Variants in SLC5A4 observed in about 807,000 individuals in gnomAD.
SLC5A4 encodes probable glucose sensor protein SLC5A4.
In SLC5A4, 55 loss-of-function variants were observed where a neutral mutation model predicts 70.3. The ratio of observed to expected loss-of-function variants is 0.78; its 90% CI spans 0.63 to 0.98. The LOEUF is 0.98. Among genes scored for constraint, SLC5A4 ranks in the 50% least tolerant of loss-of-function variants. SLC5A4 has a pLI of 0.00. For synonymous variants in SLC5A4, 268 were observed against 305.7 expected (o/e 0.88, Z 1.29); for missense variants, 735 against 839.2 (o/e 0.88, Z 1.53).
At chr22:32,300,238 G>T in the SLC5A4 span, among the ~76,000 whole-genome samples, 3 of 151,352 alleles carry the variant, frequency 2.0e-5, no homozygotes, top group African/African-American at 7.3e-5. Context: ...GCAATGGGGG[G>T]CGCCCCTCCC....
chr22:32,272,845 A>T, the SLC5A4 span: 1 of 512,852 alleles, frequency 1.9e-6, no homozygotes, highest in Non-Finnish European at 3.8e-6. Flanking sequence ...GCTGCTGCCC[A>T]TGCAGGAGAA....
the SLC5A4 span, chr22:32,343,008 T>G: frequency 6.6e-6 from 1 of 152,254 alleles, no homozygotes; most frequent in Non-Finnish European, 1.5e-5. Context: ...CTTTCAGATC[T>G]TACATGGTTG....
chr22:32,303,400 T>G, the SLC5A4 span, among the ~76,000 whole-genome samples: 1 of 152,168 alleles, frequency 6.6e-6, no homozygotes, highest in Non-Finnish European at 1.5e-5. Flanking sequence ...ACAATCTACA[T>G]GTGGGGTGGC....
chr22:32,230,347 C>A (rs1925674283), intron 10 of SLC5A4, among the ~76,000 whole-genome samples: 1 of 152,290 alleles, frequency 6.6e-6, no homozygotes, highest in East Asian at 1.9e-4. Flanking sequence ...CAGCAATGAT[C>A]ACCTTCTGGC....
chr22:32,237,270 A>G lies in SLC5A4; in HGVS notation c.638T>C (p.Ile213Thr), dbSNP rs370451909. The G allele has an allele frequency of 3.6e-5, 58 of 1,610,100 alleles. No individual in the cohort carries two copies. The highest frequency in any genetic ancestry group is 6.7e-5 in the Admixed American group (4 of 59,542). ...AAACCCCATGAGAATAAAAGAGCCA[A>G]TCAGCATGATGATGGTCTGGAGGGT... ...TDTLQTIIML[I>T]GSFILMGFAF... Residue 213 changes from isoleucine (I) to threonine (T), a missense_variant, in exon 7 of 15, where the codon ATT (isoleucine) becomes ACT (threonine). Physicochemically the swap from Ile to Thr is moderately conservative, Grantham distance 89 (BLOSUM62 -1). Coordinates refer to ENST00000266086, the MANE Select transcript of SLC5A4 (RefSeq NM_014227.3).
chr22:32,315,646 TAAAAC>T, the SLC5A4 span, among the ~76,000 whole-genome samples: 10 of 149,902 alleles, frequency 6.7e-5, no homozygotes, highest in Admixed American at 5.3e-4. Flanking sequence ...ACACAGAAAA[TAAAAC>T]AAAGACAACA....
chr22:32,272,808 C>A, the SLC5A4 span: 1 of 511,414 alleles, frequency 2.0e-6, no homozygotes, highest in South Asian at 1.6e-5. Context: ...TCGCGTGGTT[C>A]GCCACCCAGG....
chr22:32,220,713 G>A (rs755491977), intron 14 of SLC5A4, among the ~76,000 whole-genome samples: 1 of 152,224 alleles, frequency 6.6e-6, no homozygotes, highest in Non-Finnish European at 1.5e-5. Context: ...TGGATGATGG[G>A]TGGACAAACC....
At chr22:32,269,858 C>A in the SLC5A4 span, 118 of 615,658 alleles carry the variant, frequency 1.9e-4, 1 homozygote, top group South Asian at 1.6e-3. This position sits in a 1 kb window ranked among gnomAD's most constrained non-coding sequence, Gnocchi z 4.1. Flanking sequence ...TGACCCTCAT[C>A]ACCGATGGCA....
At chr22:32,224,014 A>G (rs902121849) in intron 13 of SLC5A4, among the ~76,000 whole-genome samples, 6 of 151,612 alleles carry the variant, frequency 4.0e-5, no homozygotes, top group African/African-American at 7.3e-5. Flanking sequence ...TCCGCCTCCC[A>G]GGTTCACGCC....
At chr22:32,334,178 A>C in the SLC5A4 span, among the ~76,000 whole-genome samples, 1 of 151,732 alleles carries the variant, frequency 6.6e-6, no homozygotes, top group African/African-American at 2.4e-5. Flanking sequence ...ACATCACACA[A>C]TGCACACACC....
the SLC5A4 span, among the ~76,000 whole-genome samples, chr22:32,288,361 T>G: frequency 5.3e-5 from 8 of 152,196 alleles, no homozygotes; most frequent in Admixed American, 2.0e-4. Context: ...GTACCACTTC[T>G]GGGCCAAAGT....
the SLC5A4 span, among the ~76,000 whole-genome samples, chr22:32,330,535 G>A: frequency 7.4e-6 from 1 of 135,736 alleles, no homozygotes; most frequent in South Asian, 2.6e-4. Context: ...TGTCTGTGTT[G>A]GGGGCTCTGG....
Position 32,252,236 on chromosome 22 carries a change from A to AG in SLC5A4, c.208-363_208-362insC, listed in dbSNP as rs201351506. Among the ~76,000 whole-genome samples the AG allele has an allele frequency of 7.3e-3, 1,111 of 151,952 alleles. 21 individuals carry two copies. The highest frequency in any genetic ancestry group is 0.023 in the African/African-American group (945 of 41,420). On this transcript the variant is annotated intron_variant, in intron 2 of 14. Coordinates refer to ENST00000266086, the MANE Select transcript of SLC5A4 (RefSeq NM_014227.3). The stretch of plus-strand genomic sequence containing the variant: ...CAGAGCAAGACTCTGTCTCAAAAAA[A>AG]AAAAAAAAAAGAAAATAGACAGATG...
chr22:32,338,490 C>T, the SLC5A4 span, among the ~76,000 whole-genome samples: 1 of 152,092 alleles, frequency 6.6e-6, no homozygotes, highest in Admixed American at 6.5e-5. Flanking sequence ...CCACCACCCA[C>T]CCTGTCTCCA....
At chr22:32,310,459 GC>G in the SLC5A4 span, among the ~76,000 whole-genome samples, 1 of 152,182 alleles carries the variant, frequency 6.6e-6, no homozygotes, top group African/African-American at 2.4e-5. Context: ...AGCTGTGGCT[GC>G]CCCAGCTGGG....
chr22:32,299,266 A>C, the SLC5A4 span, among the ~76,000 whole-genome samples: 1 of 150,250 alleles, frequency 6.7e-6, no homozygotes, highest in Non-Finnish European at 1.5e-5. Context: ...ACTTGGTTCC[A>C]TTCTCCCCAT....
the SLC5A4 span, among the ~76,000 whole-genome samples, chr22:32,344,909 T>C: frequency 2.0e-5 from 3 of 152,152 alleles, no homozygotes; most frequent in Non-Finnish European, 4.4e-5. Flanking sequence ...ACAAGAACAA[T>C]GGACTATCTC....
the SLC5A4 span, among the ~76,000 whole-genome samples, chr22:32,325,935 GC>G: frequency 6.6e-6 from 1 of 152,118 alleles, no homozygotes; most frequent in Non-Finnish European, 1.5e-5. Context: ...AGGCTGCCCT[GC>G]TGGCCCTAGT....
Sources: gnomAD v4.1 joint callset for allele counts (sites outside exome capture counted in the v4.1 genomes callset) on GRCh38, gnomAD v4.1.1 for gene constraint, Gnocchi (gnomAD v3.1) non-coding constraint, MANE v1.5 for transcripts, NCBI Gene and HGNC (gene_info 2026-07-23, HGNC 2026-07-21) for gene names.